SMTNL1: variants seen among roughly 807,000 people sequenced by gnomAD.
The protein encoded by SMTNL1 is smoothelin-like protein 1.
In SMTNL1, 41 loss-of-function variants were observed where a neutral mutation model predicts 46.6. The observed-to-expected ratio is 0.88, with a 90% CI of 0.69 to 1.14. The LOEUF is 1.14. Among genes scored for constraint, SMTNL1 ranks in the 50% most tolerant of loss-of-function variants. The pLI is 0.00. For synonymous variants in SMTNL1, 234 were observed against 234.2 expected (o/e 1.00, Z 0.01); for missense variants, 591 against 626.1 (o/e 0.94, Z 0.60).
chr11:57,544,521 C>A (rs1011026222), intron 4 of SMTNL1, among the ~76,000 whole-genome samples: 1 of 152,206 alleles, frequency 6.6e-6, no homozygotes. Flanking sequence ...TTCAGCTGAA[C>A]ATGTTTCCAT....
At chr11:57,540,691 C>T (rs987822731) in intron 1 of SMTNL1, among the ~76,000 whole-genome samples, 4 of 152,072 alleles carry the variant, frequency 2.6e-5, no homozygotes, top group Non-Finnish European at 5.9e-5. Context: ...TGATGTGCGT[C>T]CATCCCCCTG....
intron 1 of SMTNL1, among the ~76,000 whole-genome samples, chr11:57,541,150 C>T (rs772415204): frequency 9.9e-5 from 15 of 152,184 alleles, no homozygotes; most frequent in Non-Finnish European, 1.9e-4. Flanking sequence ...TTCAGGAACC[C>T]CAGGACTCTG....
intron 4 of SMTNL1, among the ~76,000 whole-genome samples, chr11:57,545,634 G>A (rs901559509): frequency 1.3e-5 from 2 of 150,810 alleles, no homozygotes; most frequent in African/African-American, 4.9e-5. Context: ...AGCAAAGCCA[G>A]GTTCCAAACT....
intron 1 of SMTNL1, among the ~76,000 whole-genome samples, chr11:57,542,144 A>ACACACACACAC: frequency 1.3e-5 from 2 of 149,926 alleles, no homozygotes; most frequent in African/African-American, 5.0e-5. Context: ...ACACACACAC[A>ACACACACACAC]AAAATTAGCC....
intron 7 of SMTNL1, among the ~76,000 whole-genome samples, chr11:57,548,489 G>T (rs1211372115): frequency 6.6e-6 from 1 of 152,094 alleles, no homozygotes; most frequent in East Asian, 1.9e-4. Context: ...GGCCAACATG[G>T]TGAAACCTTG....
chr11:57,547,743 T>C (rs1432986113), intron 7 of SMTNL1, among the ~76,000 whole-genome samples: 2 of 152,250 alleles, frequency 1.3e-5, no homozygotes, highest in African/African-American at 4.8e-5. Flanking sequence ...GACAGCACCC[T>C]AACCCAAAAC....
chr11:57,543,574 AG>A lies in SMTNL1; in HGVS notation c.733-47del, dbSNP rs1381745737. The stretch of plus-strand genomic sequence containing the variant: ...AACTTTCTGAAGTCCTCATGAAGCC[AG>A]GGCAGGTGCTGTGTGACCATGAGCT... On this transcript the variant is annotated intron_variant, in intron 2 of 7. Transcript: ENST00000527972. 3.8e-6 allele frequency: 6 copies of A among 1,585,364 alleles called. No homozygotes were observed. In the South Asian group the frequency reaches 6.9e-5, roughly 18 times the overall value.
Position 57,546,271 on chromosome 11 carries a change from A to G in SMTNL1, c.1112A>G (p.Lys371Arg). 2 of 1,610,294 alleles carry G rather than the reference A, an allele frequency of 1.2e-6. No homozygotes were observed. Among genetic ancestry groups the G allele is most frequent in the South Asian group, 1.1e-5 (1 of 90,226 alleles). Residue 371 changes from lysine (K) to arginine (R), a missense_variant, in exon 6 of 8, where the codon AAG (lysine) becomes AGG (arginine). Coordinates refer to ENST00000527972, the MANE Select transcript of SMTNL1 (RefSeq NM_001105565.3). The part of the protein sequence containing the change: ...SGPTALFRNT[K>R]AAGAAIGGVK... ...CCCACGGCCTTGTTCCGCAACACTA[A>G]GGCAGCCGGGGCAGCCATTGGTGGT...
At position 57,543,870 on chromosome 11, in the gene SMTNL1, T is replaced by C. The variant is rs1565155342; in HGVS notation, c.867T>C (p.Asp289=). 4 of 1,592,490 alleles carry C rather than the reference T, an allele frequency of 2.5e-6. No individual in the cohort carries two copies. In the Admixed American group the frequency reaches 5.3e-5, roughly 21 times the overall value. Residue 289 remains aspartate, a splice_region_variant and synonymous_variant, in exon 4 of 8, where the codon GAT becomes GAC. Coordinates refer to ENST00000527972, the MANE Select transcript of SMTNL1 (RefSeq NM_001105565.3). ...CTCCCTCCTTTCACTTTCCTCCAGA[T>C]GGGCTGGGTCCAGACTGTGTAGCTT... ...PTGEGHNLST[D]GLGPDCVASG...
At position 57,543,759 on chromosome 11, in the gene SMTNL1, G is replaced by T; in HGVS notation, c.865+3G>T. ...GGAGGGGCACAACCTCAGCACAGGT[G>T]AGTGAGAGCCCAGAGCCCATGGGAT... is the stretch of plus-strand genomic sequence containing the variant. On this transcript the variant is annotated splice_donor_region_variant and intron_variant, in intron 3 of 7. Coordinates refer to ENST00000527972, the MANE Select transcript of SMTNL1 (RefSeq NM_001105565.3). The T allele has an allele frequency of 6.4e-7, 1 of 1,558,292 alleles. No homozygotes were observed. Among genetic ancestry groups the T allele is most frequent in the Non-Finnish European group, 8.7e-7 (1 of 1,150,910 alleles).
At chr11:57,549,770 G>A (rs541838057) in intron 7 of SMTNL1, among the ~76,000 whole-genome samples, 198 bp from the exon 8 acceptor site, 1 of 152,068 alleles carries the variant, frequency 6.6e-6, no homozygotes, top group African/African-American at 2.4e-5. Context: ...ACCTGGCCTG[G>A]GTTTGTCTTA....
rs1207198767 is a variant in SMTNL1, at chr11:57,543,182, C to T, written c.540C>T (p.Gly180=). The T allele has an allele frequency of 2.5e-6, 4 of 1,613,614 alleles. No individual in the cohort carries two copies. Among genetic ancestry groups the T allele is most frequent in the East Asian group, 2.2e-5 (1 of 44,888 alleles). Residue 180 remains glycine (G), a synonymous_variant, in exon 2 of 8, where the codon GGC becomes GGT. Transcript: ENST00000527972. The part of the protein sequence containing the change: ...DAKTASQEET[G]QRKECSTEPK... ...AGACAGCCTCTCAGGAGGAGACAGG[C>T]CAGAGGAAAGAGTGCAGCACTGAAC...
At chr11:57,540,728 T>TTTTTTTA (rs1944867780) in intron 1 of SMTNL1, among the ~76,000 whole-genome samples, 1 of 151,794 alleles carries the variant, frequency 6.6e-6, no homozygotes. Flanking sequence ...TTTTTTTTTT[T>TTTTTTTA]GAGACGGAGT....
chr11:57,543,641 C>A lies in SMTNL1; in HGVS notation c.750C>A (p.Ser250Arg), dbSNP rs368686798. The change falls in exon 3 of 8, where the codon AGC becomes AGA. Residue 250 changes from serine to arginine, a missense_variant. Transcript: ENST00000527972. ...DAEEAEPGSP[S>R]EEQEQDVEKE... ...CATTCCAGGAGCCAGGCAGTCCCAG[C>A]GAAGAGCAGGAGCAGGACGTGGAAA... is the stretch of plus-strand genomic sequence containing the variant. 8 of 1,607,396 alleles carry A rather than the reference C, an allele frequency of 5.0e-6. No individual in the cohort carries two copies. The highest frequency in any genetic ancestry group is 1.7e-5 in the Admixed American group (1 of 59,070).
At chr11:57,549,047 A>G (rs1215574612) in intron 7 of SMTNL1, among the ~76,000 whole-genome samples, 6 of 144,290 alleles carry the variant, frequency 4.2e-5, no homozygotes, top group African/African-American at 1.3e-4. Context: ...TTTTTTTGAG[A>G]CAGAGTATCA....
At position 57,543,868 on chromosome 11, in the gene SMTNL1, G is replaced by T; in HGVS notation, c.866-1G>T. 1 of 1,591,836 alleles carries T rather than the reference G, an allele frequency of 6.3e-7. No homozygotes were observed. Among genetic ancestry groups the T allele is most frequent in the Non-Finnish European group, 8.6e-7 (1 of 1,169,080 alleles). On this transcript the variant is annotated splice_acceptor_variant, in intron 3 of 7. Coordinates refer to ENST00000527972, the MANE Select transcript of SMTNL1 (RefSeq NM_001105565.3). LOFTEE classifies it high-confidence loss of function. ...CCCTCCCTCCTTTCACTTTCCTCCA[G>T]ATGGGCTGGGTCCAGACTGTGTAGC...
chr11:57,545,162 T>A (rs1944911862), intron 4 of SMTNL1, among the ~76,000 whole-genome samples: 1 of 152,026 alleles, frequency 6.6e-6, no homozygotes, highest in African/African-American at 2.4e-5. Context: ...TAGGGAAAGA[T>A]AACCAGTGAA....
intron 1 of SMTNL1, chr11:57,541,432 T>C: frequency 7.6e-7 from 1 of 1,316,384 alleles, no homozygotes; most frequent in Admixed American, 2.1e-5. Context: ...CCCACACACC[T>C]GTTTTTGTAG....
At chr11:57,545,426 G>A (rs1199221457) in intron 4 of SMTNL1, among the ~76,000 whole-genome samples, 5 of 151,726 alleles carry the variant, frequency 3.3e-5, no homozygotes, top group Admixed American at 3.3e-4. Flanking sequence ...CCAACATGGT[G>A]CAATCCCATC....
Sources: gnomAD v4.1 joint callset for allele counts (sites outside exome capture counted in the v4.1 genomes callset) on GRCh38, gnomAD v4.1.1 for gene constraint, MANE v1.5 for transcripts, NCBI Gene and HGNC (gene_info 2026-07-23, HGNC 2026-07-21) for gene names.